ADGRB3: variants seen among roughly 807,000 people sequenced by gnomAD.
The protein encoded by ADGRB3 is brain-specific angiogenesis inhibitor 3.
Under a neutral mutation model 193.4 loss-of-function variants are expected in ADGRB3, and 37 were observed. The observed-to-expected ratio is 0.19, with a 90% CI of 0.15 to 0.25. The LOEUF (loss-of-function observed/expected upper bound fraction) is 0.25, where lower values mean the gene tolerates loss of function less well. Ranked by LOEUF, ADGRB3 falls within the 10% of genes least tolerant of loss-of-function variation. The pLI is 1.00. For missense variants in ADGRB3, 1,637 were observed against 1,852.9 expected (o/e 0.88, Z 2.14); for synonymous variants, 690 against 644.2 (o/e 1.07, Z -1.08).
intron 20 of ADGRB3, among the ~76,000 whole-genome samples, chr6:69,322,182 C>A (rs1369263418): frequency 6.6e-6 from 1 of 151,916 alleles, no homozygotes; most frequent in Non-Finnish European, 1.5e-5. Context: ...AGGATATGAT[C>A]TCATTCTTTT....
intron 20 of ADGRB3, among the ~76,000 whole-genome samples, chr6:69,277,221 C>T (rs74736239): frequency 0.1 from 15,779 of 152,016 alleles, 926 homozygotes; most frequent in Admixed American, 0.18. Flanking sequence ...TCTTGAACTC[C>T]TGACCTTGTG....
chr6:69,146,939 A>G (rs1038870168), intron 17 of ADGRB3, among the ~76,000 whole-genome samples: 3 of 144,540 alleles, frequency 2.1e-5, no homozygotes, highest in African/African-American at 7.8e-5. Context: ...CAATTCGTTC[A>G]TATATAGTTG....
intron 20 of ADGRB3, among the ~76,000 whole-genome samples, chr6:69,275,018 C>A (rs1232253900): frequency 6.6e-6 from 1 of 151,946 alleles, no homozygotes; most frequent in Non-Finnish European, 1.5e-5. Flanking sequence ...ATTGTTTGGC[C>A]CCCTACCACA....
chr6:68,757,112 T>C (rs1410323325), intron 3 of ADGRB3, among the ~76,000 whole-genome samples: 4 of 152,146 alleles, frequency 2.6e-5, no homozygotes, highest in Non-Finnish European at 5.9e-5. Flanking sequence ...GGTTATAAAT[T>C]TCCTTTATTC....
intron 17 of ADGRB3, among the ~76,000 whole-genome samples, chr6:69,093,202 CA>C (rs1772766686): frequency 6.8e-6 from 1 of 147,764 alleles, no homozygotes; most frequent in South Asian, 2.2e-4. Context: ...GAAGGGTGGG[CA>C]AAACAGGCTA....
chr6:68,655,091 GTT>G (rs1206988091), intron 3 of ADGRB3, among the ~76,000 whole-genome samples: 2 of 150,530 alleles, frequency 1.3e-5, no homozygotes, highest in Non-Finnish European at 3.0e-5. Context: ...TTTCTTGGCA[GTT>G]TGTTACATAC....
intron 3 of ADGRB3, among the ~76,000 whole-genome samples, chr6:68,750,666 T>C (rs1027148049): frequency 6.6e-6 from 1 of 152,198 alleles, no homozygotes; most frequent in African/African-American, 2.4e-5. Flanking sequence ...TTTAATGAGC[T>C]CTTTCGCTGT....
chr6:68,666,013 T>C (rs1768791038), intron 3 of ADGRB3, among the ~76,000 whole-genome samples: 2 of 151,870 alleles, frequency 1.3e-5, no homozygotes, highest in African/African-American at 2.4e-5. Context: ...ACTATTTTGG[T>C]GTGCATTCCA....
At chr6:69,116,407 C>T (rs1420930829) in intron 17 of ADGRB3, among the ~76,000 whole-genome samples, 1 of 152,134 alleles carries the variant, frequency 6.6e-6, no homozygotes, top group Non-Finnish European at 1.5e-5. Flanking sequence ...AAACTCAGAA[C>T]TAATACTAAA....
chr6:69,067,130 A>G (rs1356906727), intron 16 of ADGRB3, among the ~76,000 whole-genome samples: 1 of 152,170 alleles, frequency 6.6e-6, no homozygotes, highest in Admixed American at 6.6e-5. Flanking sequence ...AGAGTGGACC[A>G]TACCAGCCTG....
intron 12 of ADGRB3, among the ~76,000 whole-genome samples, chr6:69,014,863 T>C (rs981626372): frequency 2.0e-5 from 3 of 151,916 alleles, no homozygotes; most frequent in Admixed American, 1.3e-4. Flanking sequence ...AGAATGAACA[T>C]TTACTGAGGT....
chr6:68,923,260 A>G (rs1330570875), intron 3 of ADGRB3, among the ~76,000 whole-genome samples: 2 of 152,030 alleles, frequency 1.3e-5, no homozygotes, highest in Admixed American at 6.6e-5. Context: ...AAGCATTTTT[A>G]TATCAATATA....
At chr6:68,752,865 G>T (rs1323524381) in intron 3 of ADGRB3, among the ~76,000 whole-genome samples, 1 of 152,160 alleles carries the variant, frequency 6.6e-6, no homozygotes, top group Non-Finnish European at 1.5e-5. Flanking sequence ...GGGAAAAATT[G>T]TAAGCAAACT....
At chr6:69,344,734 G>C (rs889295041) in intron 26 of ADGRB3, among the ~76,000 whole-genome samples, 2 of 152,102 alleles carry the variant, frequency 1.3e-5, no homozygotes, top group African/African-American at 4.8e-5. Context: ...CTGCAGGATG[G>C]GTCAGCTGTT....
At position 68,731,327 on chromosome 6, in the gene ADGRB3, T is replaced by C. The variant is rs563615802; in HGVS notation, c.757+91895T>C. 8.0e-4 allele frequency among the ~76,000 whole-genome samples: 122 copies of C among 151,730 alleles called. 1 individual carries two copies. Among genetic ancestry groups the C allele is most frequent in the Admixed American group, 3.6e-3 (54 of 15,182 alleles). ...TTCCAAAAAGTATTGATTTAAATTA[T>C]TTATGTTCAATTCATTTACAAAAAA... On this transcript the variant is annotated intron_variant, in intron 3 of 31. Coordinates refer to ENST00000370598, the MANE Select transcript of ADGRB3 (RefSeq NM_001704.3).
chr6:68,988,387 A>G (rs952667053), intron 10 of ADGRB3, among the ~76,000 whole-genome samples: 1 of 152,148 alleles, frequency 6.6e-6, no homozygotes, highest in African/African-American at 2.4e-5. Context: ...ACAGAATAGC[A>G]TGAGTCAGGG....
At chr6:69,205,723 C>T (rs1765523734) in intron 17 of ADGRB3, among the ~76,000 whole-genome samples, 1 of 152,002 alleles carries the variant, frequency 6.6e-6, no homozygotes, top group Non-Finnish European at 1.5e-5. Flanking sequence ...AACTAACTCA[C>T]TTCCACAATA....
At chr6:69,210,149 C>CATATATATATATATATATATAGATATAT (rs58586306) in intron 17 of ADGRB3, among the ~76,000 whole-genome samples, 1 of 78,940 alleles carries the variant, frequency 1.3e-5, no homozygotes, top group Non-Finnish European at 2.5e-5. Flanking sequence ...TAATATATAT[C>CATATATATATATATATATATAGATATAT]ATATATATAT....
rs1582577406 is a variant in ADGRB3 at position 69,249,814 on chromosome 6, T to C, written c.2814+10588T>C. Among the ~76,000 whole-genome samples the C allele has an allele frequency of 2.0e-5, 3 of 152,360 alleles. No homozygotes were observed. In the South Asian group the frequency reaches 6.2e-4, roughly 32 times the overall value. On this transcript the variant is annotated intron_variant, in intron 20 of 31. Transcript: ENST00000370598. ...CATTTTTTACTTCTTTTGTGGTAGC[T>C]AGTCAGTTAATTTTAAATCTTAAGC... is the stretch of plus-strand genomic sequence containing the variant.
Sources: gnomAD v4.1 joint callset for allele counts (sites outside exome capture counted in the v4.1 genomes callset) on GRCh38, gnomAD v4.1.1 for gene constraint, MANE v1.5 for transcripts, NCBI Gene and HGNC (gene_info 2026-07-23, HGNC 2026-07-21) for gene names.